The following DLG1 variants were observed in gnomAD, a reference collection of about 807,000 sequenced individuals.
DLG1 encodes disks large homolog 1.
Under a neutral mutation model 123.4 loss-of-function variants are expected in DLG1, and 42 were observed. The observed-to-expected ratio is 0.34, with a 90% confidence interval of 0.27 to 0.44. The LOEUF is 0.44. DLG1 is among the 20% of genes least tolerant of loss of function. DLG1 has a pLI of 1.00. For missense variants in DLG1, 942 were observed against 1,082.6 expected (o/e 0.87, Z 1.82); for synonymous variants, 317 against 356.2 (o/e 0.89, Z 1.24).
At chr3:197,136,858 G>A (rs1785282971) in intron 9 of DLG1, among the ~76,000 whole-genome samples, 180 bp from the exon 10 acceptor site, 1 of 152,224 alleles carries the variant, frequency 6.6e-6, no homozygotes, top group Non-Finnish European at 1.5e-5. Flanking sequence ...ACATACAGCT[G>A]CTCCTAGAGT....
chr3:197,102,867 A>G (rs1217451394), intron 14 of DLG1, among the ~76,000 whole-genome samples: 1 of 152,138 alleles, frequency 6.6e-6, no homozygotes, highest in Non-Finnish European at 1.5e-5. Context: ...TAAAACAAAC[A>G]AAAAAAATTA....
intron 5 of DLG1, among the ~76,000 whole-genome samples, chr3:197,160,831 C>T (rs771812611): frequency 6.6e-6 from 1 of 151,924 alleles, no homozygotes; most frequent in Non-Finnish European, 1.5e-5. Context: ...TTTTAGGCTA[C>T]AGATCAATAA....
At chr3:197,144,338 C>T (rs2149691972) in intron 6 of DLG1, among the ~76,000 whole-genome samples, 1 of 152,214 alleles carries the variant, frequency 6.6e-6, no homozygotes, top group East Asian at 1.9e-4. Flanking sequence ...AGAGATCTAA[C>T]CAACAGAGAA....
intron 5 of DLG1, among the ~76,000 whole-genome samples, chr3:197,159,739 T>A (rs1384295028): frequency 6.6e-6 from 1 of 152,216 alleles, no homozygotes; most frequent in Non-Finnish European, 1.5e-5. Context: ...CTCATTGGCT[T>A]CTCACATAAC....
At chr3:197,276,219 T>C (rs763548590) in intron 4 of DLG1, among the ~76,000 whole-genome samples, 1 of 152,258 alleles carries the variant, frequency 6.6e-6, no homozygotes, top group African/African-American at 2.4e-5. Flanking sequence ...ATAATGTGTT[T>C]ATCCGATCTC....
intron 5 of DLG1, among the ~76,000 whole-genome samples, chr3:197,166,578 C>G (rs868265690): frequency 6.6e-6 from 1 of 152,256 alleles, no homozygotes; most frequent in South Asian, 2.1e-4. Context: ...TTTCTAAATA[C>G]TCATTCTGCA....
chr3:197,191,714 C>T (rs1212481566), intron 5 of DLG1, among the ~76,000 whole-genome samples: 2 of 152,128 alleles, frequency 1.3e-5, no homozygotes, highest in African/African-American at 4.8e-5. Context: ...TTTACCCGTG[C>T]TGAGGTTCTT....
intron 4 of DLG1, among the ~76,000 whole-genome samples, chr3:197,217,494 G>C (rs1262581138): frequency 6.6e-6 from 1 of 152,084 alleles, no homozygotes; most frequent in Non-Finnish European, 1.5e-5. Flanking sequence ...TGTTCATGTA[G>C]GGCAGCTGAT....
Position 197,065,283 on chromosome 3 carries a change from G to A in DLG1, c.2366C>T (p.Ala789Val). 1 of 1,599,956 alleles carries A rather than the reference G, an allele frequency of 6.3e-7. No homozygotes were observed. ...GTSVQSVREV[A>V]EKGKHCILDV... The stretch of plus-strand genomic sequence containing the variant: ...GATTAGTCTGATGCTTACCTTTTCT[G>A]CTACTTCTCGTACAGACTGAACACT... Residue 789 changes from alanine (A) to valine (V), a missense_variant, in exon 22 of 25, where the codon GCA becomes GTA. Coordinates refer to ENST00000667157, the MANE Select transcript of DLG1 (RefSeq NM_001366207.1).
intron 4 of DLG1, among the ~76,000 whole-genome samples, chr3:197,273,215 T>C (rs1045853281): frequency 5.3e-5 from 8 of 151,222 alleles, no homozygotes; most frequent in African/African-American, 1.9e-4. Context: ...TGTGTGTATG[T>C]GTGTGTATAT....
intron 3 of DLG1, among the ~76,000 whole-genome samples, chr3:197,287,145 C>T (rs1049723500): frequency 6.6e-6 from 1 of 151,952 alleles, no homozygotes; most frequent in Non-Finnish European, 1.5e-5. Flanking sequence ...GTTGGGATTA[C>T]ATGCGTTGAG....
At chr3:197,275,443 C>T (rs1364912806) in intron 4 of DLG1, among the ~76,000 whole-genome samples, 1 of 152,168 alleles carries the variant, frequency 6.6e-6, no homozygotes, top group African/African-American at 2.4e-5. Context: ...GATCTACATG[C>T]CCATGTTTAT....
At chr3:197,170,239 T>C (rs1803474486) in intron 5 of DLG1, among the ~76,000 whole-genome samples, 1 of 152,244 alleles carries the variant, frequency 6.6e-6, no homozygotes, top group African/African-American at 2.4e-5. Flanking sequence ...CATGTCTTTA[T>C]AACAGAACAA....
At chr3:197,138,542 A>G (rs186906728) in intron 8 of DLG1, 151 bp from the exon 9 acceptor site, 13 of 315,062 alleles carry the variant, frequency 4.1e-5, no homozygotes, top group African/African-American at 2.6e-4. Context: ...TGAAGAAAGT[A>G]TATCAAAAAC....
chr3:197,232,124 C>T (rs1743471948), intron 4 of DLG1, among the ~76,000 whole-genome samples: 1 of 152,052 alleles, frequency 6.6e-6, no homozygotes, highest in Non-Finnish European at 1.5e-5. Context: ...TCTCAATCAC[C>T]TAAATTTGAG....
upstream of DLG1, chr3:197,299,021 C>CT (rs1422831662): frequency 1.3e-5 from 2 of 153,124 alleles, no homozygotes; most frequent in Non-Finnish European, 2.9e-5. Context: ...TACCCAAACT[C>CT]TGACGGTCCC....
At chr3:197,160,703 C>T (rs1798445615) in intron 5 of DLG1, among the ~76,000 whole-genome samples, 1 of 152,122 alleles carries the variant, frequency 6.6e-6, no homozygotes. Context: ...CCACTGACTT[C>T]ACTTTTTAGG....
At chr3:197,180,176 C>T (rs554142457) in intron 5 of DLG1, among the ~76,000 whole-genome samples, 172 of 151,370 alleles carry the variant, frequency 1.1e-3, no homozygotes, top group African/African-American at 3.3e-3. Context: ...TGACTGAACA[C>T]TTCACAGTTA....
rs371422346 is a variant in DLG1 at position 197,199,512 on chromosome 3, T to C, written c.319-4923A>G. ...ATCCCAACATATCTCATTATGTATA[T>C]GCAAATATCCCCAAATCTGAAAAAT... On this transcript the variant is annotated intron_variant, in intron 4 of 24. Coordinates refer to ENST00000667157, the MANE Select transcript of DLG1 (RefSeq NM_001366207.1). Among the ~76,000 whole-genome samples the C allele has an allele frequency of 2.6e-5, 4 of 152,340 alleles. No homozygotes were observed. The East Asian group carries it at 7.7e-4, about 29-fold the overall frequency.
Sources: allele counts gnomAD v4.1 joint callset (sites outside exome capture counted in the v4.1 genomes callset), GRCh38; gene constraint gnomAD v4.1.1; transcripts MANE v1.5; gene names NCBI Gene and HGNC (gene_info 2026-07-23, HGNC 2026-07-21).